Variants in UBXN2A observed in about 807,000 individuals in gnomAD.
The protein encoded by UBXN2A is UBX domain protein 2A.
UBXN2A carries 28 observed loss-of-function variants against 28.4 expected under a neutral mutation model. The observed-to-expected ratio is 0.99, with a 90% CI of 0.73 to 1.35. UBXN2A has a LOEUF of 1.35. UBXN2A is among the 40% of genes most tolerant of loss of function. The pLI, the probability that UBXN2A is intolerant of heterozygous loss-of-function variation, is 0.00. For missense variants in UBXN2A, 253 were observed against 297.9 expected, an observed-to-expected ratio of 0.85 and a Z score of 1.11; for synonymous variants, 97 against 103.6, an observed-to-expected ratio of 0.94 and a Z score of 0.39.
At chr2:23,988,222 T>A (rs77614425) in intron 6 of UBXN2A, among the ~76,000 whole-genome samples, 12,483 of 152,156 alleles carry the variant, frequency 0.082, 625 homozygotes, top group Middle Eastern at 0.12. Context: ...AGGTATAGAT[T>A]ATCTGTAAAC....
chr2:24,004,183 A>T lies in UBXN2A; in HGVS notation c.*4316A>T, dbSNP rs1708762198. On this transcript the variant is annotated 3_prime_UTR_variant, in exon 7 of 7. Transcript: ENST00000309033. ...TTAACTGAGAATTTAAAAGTTGTAA[A>T]ATTGTTAGTTAAATGTGTATAATTA... 1 of 152,100 alleles carries T rather than the reference A, an allele frequency of 6.6e-6. No homozygotes were observed. Among genetic ancestry groups the T allele is most frequent in the African/African-American group, 2.4e-5 (1 of 41,424 alleles). The allele number at this position is 152,100 out of a possible 1,614,324, so 9.4% of individuals were successfully genotyped here.
intron 4 of UBXN2A, among the ~76,000 whole-genome samples, chr2:23,979,803 T>G (rs1474073131): frequency 3.3e-5 from 5 of 152,060 alleles, no homozygotes; most frequent in Non-Finnish European, 4.4e-5. Context: ...ACTCCTGATC[T>G]CAAGCAATCC....
intron 4 of UBXN2A, among the ~76,000 whole-genome samples, chr2:23,980,603 T>G (rs1349161180): frequency 6.6e-6 from 1 of 152,158 alleles, no homozygotes; most frequent in South Asian, 2.1e-4. Context: ...CCTGTTCAAA[T>G]CCTCTGTCCA....
chr2:23,978,820 C>T (rs904692527), intron 4 of UBXN2A, among the ~76,000 whole-genome samples: 1 of 149,244 alleles, frequency 6.7e-6, no homozygotes, highest in East Asian at 2.0e-4. Context: ...AAATTAGCCA[C>T]GCATCGTGGC....
At chr2:23,944,389 T>C (rs1705934604) in intron 1 of UBXN2A, 2 of 1,338,502 alleles carry the variant, frequency 1.5e-6, no homozygotes, top group Non-Finnish European at 2.1e-6. Flanking sequence ...CTACACATTA[T>C]TGTATTCACC....
chr2:23,957,434 CT>C lies in UBXN2A; in HGVS notation c.-14-866del, dbSNP rs1167643285. ...TCTCCTGCCTCAGCCTTCTGAATAA[CT>C]GGGACTACAGGTGCGTACCACCACA... is the stretch of plus-strand genomic sequence containing the variant. On this transcript the variant is annotated intron_variant, in intron 1 of 6. Coordinates refer to ENST00000309033, the MANE Select transcript of UBXN2A (RefSeq NM_181713.4). 9.9e-5 allele frequency among the ~76,000 whole-genome samples: 15 copies of C among 152,264 alleles called. No homozygotes were observed. In the East Asian group the frequency reaches 2.1e-3, roughly 22 times the overall value.
intron 1 of UBXN2A, among the ~76,000 whole-genome samples, chr2:23,932,297 G>A (rs1705392380): frequency 6.6e-6 from 1 of 150,494 alleles, no homozygotes; most frequent in South Asian, 2.1e-4. Context: ...TATCCTGGGT[G>A]ACAGAGCAGG....
rs1044277 is a variant in UBXN2A, at chr2:24,002,751, T to C, written c.*2884T>C. On this transcript the variant is annotated 3_prime_UTR_variant, in exon 7 of 7. Coordinates refer to ENST00000309033, the MANE Select transcript of UBXN2A (RefSeq NM_181713.4). ...ACATGAAACGATTTAGTGAGAAAAG[T>C]GGCCGGTTTTTTGGGGGGAATTACT... is the stretch of plus-strand genomic sequence containing the variant. The C allele has an allele frequency of 0.74, 112,856 of 151,972 alleles. 42,368 individuals are homozygous for C. Among genetic ancestry groups the C allele is most frequent in the Admixed American group, 0.85 (12,975 of 15,280 alleles). The allele number at this position is 151,972 out of a possible 1,614,324, so 9.4% of individuals were successfully genotyped here.
chr2:23,929,396 T>C (rs555011377), intron 1 of UBXN2A, among the ~76,000 whole-genome samples: 2 of 149,428 alleles, frequency 1.3e-5, no homozygotes, highest in East Asian at 4.0e-4. Context: ...AGTAACACCC[T>C]GTCTCAAAAA....
intron 6 of UBXN2A, among the ~76,000 whole-genome samples, chr2:23,989,391 C>T (rs1306447429): frequency 6.6e-6 from 1 of 150,694 alleles, no homozygotes; most frequent in Non-Finnish European, 1.5e-5. Context: ...GCAGCCTCCA[C>T]CTCCCCAGAC....
At chr2:23,990,362 T>C (rs550466863) in intron 6 of UBXN2A, among the ~76,000 whole-genome samples, 2 of 151,724 alleles carry the variant, frequency 1.3e-5, no homozygotes, top group Non-Finnish European at 2.9e-5. Flanking sequence ...GACAACCTGC[T>C]CTGTTGTGAT....
Position 24,002,304 on chromosome 2 carries a change from C to T in UBXN2A, c.*2437C>T, listed in dbSNP as rs1403106847. 1.3e-5 allele frequency: 2 copies of T among 152,146 alleles called. No individual in the cohort carries two copies. Among genetic ancestry groups the T allele is most frequent in the Non-Finnish European group, 2.9e-5 (2 of 68,260 alleles). The allele number at this position is 152,146 out of a possible 1,614,324, so 9.4% of individuals were successfully genotyped here. A position where few individuals can be genotyped will look rare whatever the true frequency, so the allele number is the denominator to read the frequency against. On this transcript the variant is annotated 3_prime_UTR_variant, in exon 7 of 7. Transcript: ENST00000309033. ...CCTGTAATCTCAGCTACTAGGGAGG[C>T]TGAGGGAGGAGAATTGCTTGAACTC...
chr2:23,947,270 A>T (rs1216734632), intron 1 of UBXN2A, among the ~76,000 whole-genome samples: 2 of 152,210 alleles, frequency 1.3e-5, no homozygotes, highest in Non-Finnish European at 2.9e-5. Context: ...GACATGTTCC[A>T]TAAAACTCAG....
chr2:23,988,294 C>T (rs914509521), intron 6 of UBXN2A, among the ~76,000 whole-genome samples: 7 of 152,254 alleles, frequency 4.6e-5, no homozygotes, highest in Middle Eastern at 3.4e-3. Flanking sequence ...AACCTTAATA[C>T]GCTTGTATCG....
intron 1 of UBXN2A, among the ~76,000 whole-genome samples, chr2:23,955,133 T>G (rs973766417): frequency 2.8e-4 from 43 of 151,936 alleles, no homozygotes; most frequent in Admixed American, 7.9e-4. Flanking sequence ...GGGTTTCACC[T>G]TGCTGTCCAG....
Position 23,974,502 on chromosome 2 carries a change from C to T in UBXN2A, c.181-2467C>T, listed in dbSNP as rs558582038. Among the ~76,000 whole-genome samples the T allele has an allele frequency of 2.6e-4, 39 of 151,822 alleles. No individual in the cohort carries two copies. The East Asian group carries it at 6.2e-3, about 24-fold the overall frequency. ...CTGGGACTACAGGCACCCGCCACCA[C>T]GCCTGGCTAATTTTTTTGTATTTTT... is the stretch of plus-strand genomic sequence containing the variant. On this transcript the variant is annotated intron_variant, in intron 3 of 6. Coordinates refer to ENST00000309033, the MANE Select transcript of UBXN2A (RefSeq NM_181713.4).
chr2:23,978,789 C>G (rs561092182), intron 4 of UBXN2A, among the ~76,000 whole-genome samples: 3 of 151,782 alleles, frequency 2.0e-5, no homozygotes, highest in East Asian at 3.9e-4. Context: ...TAGTGAAACC[C>G]CGTCTCTACT....
chr2:23,973,877 A>C (rs1291856136), intron 3 of UBXN2A, among the ~76,000 whole-genome samples: 1 of 151,216 alleles, frequency 6.6e-6, no homozygotes, highest in Admixed American at 6.6e-5. Flanking sequence ...TGATCCACCC[A>C]CCTCAGCCTC....
chr2:23,960,385 ATGAC>A (rs1431496384), intron 2 of UBXN2A, among the ~76,000 whole-genome samples: 6 of 152,162 alleles, frequency 3.9e-5, no homozygotes, highest in African/African-American at 1.2e-4. Flanking sequence ...AATAAATTGA[ATGAC>A]TGATTTGAAA....
Sources: allele counts gnomAD v4.1 joint callset (sites outside exome capture counted in the v4.1 genomes callset), GRCh38; gene constraint gnomAD v4.1.1; transcripts MANE v1.5; gene names NCBI Gene and HGNC (gene_info 2026-07-23, HGNC 2026-07-21).